MARCHF1: variants seen among roughly 807,000 people sequenced by gnomAD.
MARCHF1 encodes E3 ubiquitin-protein ligase MARCHF1.
MARCHF1 carries 40 observed loss-of-function variants against 54.2 expected under a neutral mutation model. That is an observed-to-expected ratio of 0.74 (90% confidence interval 0.57 to 0.96). The LOEUF (loss-of-function observed/expected upper bound fraction) is 0.96. Among genes scored for constraint, MARCHF1 ranks in the 40% least tolerant of loss-of-function variants. The pLI is 0.00. For synonymous variants in MARCHF1, 236 were observed against 236.3 expected, an observed-to-expected ratio of 1.00 and a Z score of 0.01; for missense variants, 586 against 656.5, an observed-to-expected ratio of 0.89 and a Z score of 1.17.
In MARCHF1 at chr4:164,100,933, G is replaced by C. The variant is rs558551664; in HGVS notation, c.-248+10655C>G. Among the ~76,000 whole-genome samples the C allele has an allele frequency of 2.0e-5, 3 of 152,342 alleles. No individual in the cohort carries two copies. In the East Asian group the frequency reaches 5.8e-4, roughly 29 times the overall value. On this transcript the variant is annotated intron_variant, in intron 2 of 9. Transcript: ENST00000514618. Reference sequence around the variant, plus strand: ...CAGTGCGCGAGCCGAAGTAGGGCGAGGCATTGCCTCACTTGGGAAGCGCAA... The same window carrying C: ...CAGTGCGCGAGCCGAAGTAGGGCGACGCATTGCCTCACTTGGGAAGCGCAA...
intron 1 of MARCHF1, among the ~76,000 whole-genome samples, chr4:164,293,993 G>A (rs775738147): frequency 6.6e-6 from 1 of 152,198 alleles, no homozygotes; most frequent in Non-Finnish European, 1.5e-5. Context: ...AGCTGCCAGT[G>A]CGGTTAGAAT....
At chr4:163,619,428 G>C (rs2110952723) in intron 5 of MARCHF1, among the ~76,000 whole-genome samples, 1 of 152,256 alleles carries the variant, frequency 6.6e-6, no homozygotes, top group South Asian at 2.1e-4. Context: ...AACTGAAAAA[G>C]TGACACAGGG....
intron 1 of MARCHF1, among the ~76,000 whole-genome samples, chr4:164,270,159 A>C (rs563814146): frequency 7.9e-5 from 12 of 152,252 alleles, no homozygotes; most frequent in African/African-American, 2.9e-4. Flanking sequence ...TGTGGCAGTC[A>C]CACTAGCCTC....
chr4:164,040,221 ATATG>A (rs918617317), intron 2 of MARCHF1, among the ~76,000 whole-genome samples: 21 of 144,388 alleles, frequency 1.5e-4, no homozygotes, highest in African/African-American at 5.2e-4. Flanking sequence ...TATTTATACT[ATATG>A]TACACATGTA....
chr4:163,571,319 A>C (rs992605486), intron 8 of MARCHF1, among the ~76,000 whole-genome samples: 5 of 152,142 alleles, frequency 3.3e-5, no homozygotes, highest in Admixed American at 1.3e-4. Context: ...CCAGAATGTA[A>C]ATTCTCTGAG....
chr4:163,816,953 T>C (rs566011498), intron 4 of MARCHF1, among the ~76,000 whole-genome samples: 4 of 151,986 alleles, frequency 2.6e-5, no homozygotes, highest in South Asian at 4.2e-4. Flanking sequence ...GAAAATGAGG[T>C]TCAACCTAAT....
chr4:163,560,939 CATAG>C (rs1458730934), intron 8 of MARCHF1, among the ~76,000 whole-genome samples: 18 of 152,106 alleles, frequency 1.2e-4, no homozygotes, highest in African/African-American at 4.3e-4. Context: ...ATATTTTCTA[CATAG>C]ATAATCATGT....
At chr4:163,932,139 T>C (rs1751691201) in intron 3 of MARCHF1, among the ~76,000 whole-genome samples, 1 of 152,170 alleles carries the variant, frequency 6.6e-6, no homozygotes, top group Admixed American at 6.5e-5. Context: ...AAGCTAATGA[T>C]TGCCTTATCT....
At chr4:164,350,216 T>C (rs1262637241) in intron 1 of MARCHF1, among the ~76,000 whole-genome samples, 2 of 152,196 alleles carry the variant, frequency 1.3e-5, no homozygotes. Context: ...TGACTCACTG[T>C]GCAAAAAGTC....
chr4:164,355,243 T>C (rs2110902238), intron 1 of MARCHF1, among the ~76,000 whole-genome samples: 2 of 65,930 alleles, frequency 3.0e-5, no homozygotes, highest in South Asian at 1.4e-3. Flanking sequence ...ATGACTTTCT[T>C]CACAGAATTG....
In MARCHF1 at chr4:164,076,982, T is replaced by C. The variant is rs182091645; in HGVS notation, c.-248+34606A>G. ...AAATTAATTTATAGATTCAATAATA[T>C]CCCCATCAAGCACCATAGACTTTCT... On this transcript the variant is annotated intron_variant, in intron 2 of 9. Transcript: ENST00000514618. Among the ~76,000 whole-genome samples the C allele has an allele frequency of 5.5e-3, 837 of 152,120 alleles. 6 individuals are homozygous for C. The highest frequency in any genetic ancestry group is 0.019 in the African/African-American group (797 of 41,486).
At chr4:163,623,240 T>C (rs1318195741) in intron 5 of MARCHF1, among the ~76,000 whole-genome samples, 1 of 152,100 alleles carries the variant, frequency 6.6e-6, no homozygotes, top group Non-Finnish European at 1.5e-5. Flanking sequence ...CCCTGGGTAA[T>C]GACTAGGGAC....
chr4:163,693,287 G>T lies in MARCHF1; in HGVS notation c.162+7526C>A, dbSNP rs185236184. Among the ~76,000 whole-genome samples the T allele has an allele frequency of 1.0e-3, 157 of 151,484 alleles. 5 individuals are homozygous for T. Among genetic ancestry groups the T allele is most frequent in the African/African-American group, 3.8e-3 (157 of 41,196 alleles). ...ACTGCATGCTAGTGCATTTCTTCCAGAGTTAAGACCAAATTTTGCATTTTA... is the reference window on the plus strand; with the variant it reads ...ACTGCATGCTAGTGCATTTCTTCCATAGTTAAGACCAAATTTTGCATTTTA... On this transcript the variant is annotated intron_variant, in intron 5 of 9. Transcript: ENST00000514618.
intron 1 of MARCHF1, among the ~76,000 whole-genome samples, chr4:164,292,777 G>A (rs755577150): frequency 3.8e-4 from 58 of 152,208 alleles, no homozygotes; most frequent in Non-Finnish European, 6.8e-4. Context: ...ATTAATATTA[G>A]TAACTGACTT....
intron 9 of MARCHF1, among the ~76,000 whole-genome samples, chr4:163,531,237 A>ATATT (rs1376228175): frequency 2.0e-5 from 3 of 151,912 alleles, no homozygotes; most frequent in African/African-American, 7.2e-5. Flanking sequence ...TCTCAACAAA[A>ATATT]TATTAGCAAA....
At chr4:164,067,369 T>C (rs979064963) in intron 2 of MARCHF1, among the ~76,000 whole-genome samples, 2 of 152,194 alleles carry the variant, frequency 1.3e-5, no homozygotes, top group Admixed American at 1.3e-4. Context: ...AGCATGGTAC[T>C]GCTACAGAAG....
intron 8 of MARCHF1, among the ~76,000 whole-genome samples, chr4:163,569,467 T>C (rs926988382): frequency 2.6e-5 from 4 of 152,160 alleles, no homozygotes; most frequent in Non-Finnish European, 4.4e-5. Context: ...GAAATTAACT[T>C]ATAGTGTAAA....
At chr4:164,049,662 T>G (rs1754317477) in intron 2 of MARCHF1, among the ~76,000 whole-genome samples, 1 of 152,158 alleles carries the variant, frequency 6.6e-6, no homozygotes, top group African/African-American at 2.4e-5. Context: ...CAAAAAAAGC[T>G]AAGAATCATC....
At chr4:163,571,544 T>C (rs1054776755) in intron 8 of MARCHF1, among the ~76,000 whole-genome samples, 1 of 152,122 alleles carries the variant, frequency 6.6e-6, no homozygotes. Flanking sequence ...TTCTCAGCAA[T>C]CTTTTGGGAA....
Sources: gnomAD v4.1 joint callset for allele counts (sites outside exome capture counted in the v4.1 genomes callset) on GRCh38, gnomAD v4.1.1 for gene constraint, MANE v1.5 for transcripts, NCBI Gene and HGNC (gene_info 2026-07-23, HGNC 2026-07-21) for gene names.